Variants in MICAL2 observed in about 807,000 individuals in gnomAD.
The protein encoded by MICAL2 is microtubule associated monooxygenase, calponin and LIM domain containing 2.
Under a neutral mutation model 127.3 loss-of-function variants are expected in MICAL2, and 77 were observed. The observed-to-expected ratio is 0.60, with a 90% confidence interval of 0.50 to 0.73. MICAL2 has a LOEUF of 0.73. MICAL2 is among the 30% of genes least tolerant of loss of function. The pLI, the probability that MICAL2 is intolerant of heterozygous loss-of-function variation, is 0.00. For missense variants in MICAL2, 1,351 were observed against 1,434.4 expected, an observed-to-expected ratio of 0.94 and a Z score of 0.94; for synonymous variants, 570 against 551.1, an observed-to-expected ratio of 1.03 and a Z score of -0.48.
chr11:12,209,433 G>A (rs1457408476), intron 5 of MICAL2, 64 bp from the exon 6 acceptor site: 1 of 1,282,476 alleles, frequency 7.8e-7, no homozygotes, highest in Non-Finnish European at 1.1e-6. Context: ...CCACCACACG[G>A]GGGGTATAAT....
chr11:12,155,889 G>T (rs1854133616), intron 2 of MICAL2, among the ~76,000 whole-genome samples: 1 of 152,226 alleles, frequency 6.6e-6, no homozygotes, highest in Non-Finnish European at 1.5e-5. Context: ...GAGGCCTGGA[G>T]GGTGGGCACT....
chr11:12,224,555 C>G, intron 12 of MICAL2, 118 bp from the exon 13 acceptor site: 1 of 1,407,794 alleles, frequency 7.1e-7, no homozygotes, highest in Non-Finnish European at 9.7e-7. Flanking sequence ...TGCCCTGGCC[C>G]CTTGCCTTGG....
chr11:12,206,697 C>T (rs1854731235), intron 4 of MICAL2, among the ~76,000 whole-genome samples: 1 of 152,178 alleles, frequency 6.6e-6, no homozygotes, highest in African/African-American at 2.4e-5. Context: ...AAACCTCCAG[C>T]ACGGTGACCT....
intron 29 of MICAL2, among the ~76,000 whole-genome samples, chr11:12,298,175 C>A (rs565129717): frequency 6.6e-6 from 1 of 151,838 alleles, no homozygotes; most frequent in East Asian, 1.9e-4. Flanking sequence ...TTTTTTGTGA[C>A]CCTCAGGAAT....
At chr11:12,350,041 A>G (rs1296204023) in intron 33 of MICAL2, 8 of 812,512 alleles carry the variant, frequency 9.8e-6, no homozygotes, top group Admixed American at 6.9e-5. Context: ...CTCCTTGTGC[A>G]TACAGAATAG....
At chr11:12,191,684 T>C (rs1171871426) in intron 3 of MICAL2, among the ~76,000 whole-genome samples, 3 of 152,120 alleles carry the variant, frequency 2.0e-5, no homozygotes. Flanking sequence ...GGAGGATTGC[T>C]TGAGCCTGGG....
At chr11:12,316,544 GT>G (rs919243690) in intron 29 of MICAL2, among the ~76,000 whole-genome samples, 33 of 151,310 alleles carry the variant, frequency 2.2e-4, no homozygotes, top group African/African-American at 7.3e-4. Context: ...TATTATAATA[GT>G]TTTTTTTGGT....
intron 7 of MICAL2, among the ~76,000 whole-genome samples, chr11:12,214,371 G>A (rs1373174199): frequency 1.3e-5 from 2 of 152,164 alleles, no homozygotes; most frequent in African/African-American, 4.8e-5. Flanking sequence ...CTCCTTTTCT[G>A]TAATTTTCCA....
chr11:12,201,729 G>A (rs779234542), intron 3 of MICAL2, among the ~76,000 whole-genome samples: 5 of 152,190 alleles, frequency 3.3e-5, no homozygotes, highest in Admixed American at 6.5e-5. Context: ...ATTGAGGACC[G>A]AGCGTGGGAC....
At chr11:12,292,268 A>T (rs781525117), downstream of MICAL2, 1 of 1,613,984 alleles carries the variant, frequency 6.2e-7, no homozygotes, top group Non-Finnish European at 8.5e-7. Context: ...TGTTTCTGGG[A>T]ATGCTCCAGA....
At chr11:12,204,504 C>G (rs937292846) in intron 4 of MICAL2, 47 bp downstream of exon 4, 3 of 1,577,930 alleles carry the variant, frequency 1.9e-6, no homozygotes, top group Non-Finnish European at 2.6e-6. Context: ...GGGACTGACC[C>G]TGGGTGGGAC....
At chr11:12,294,083 G>A, downstream of MICAL2, 1 of 1,614,142 alleles carries the variant, frequency 6.2e-7, no homozygotes, top group African/African-American at 1.3e-5. Context: ...TGCTGAGAAT[G>A]GTAGAGGAGG....
exon 2 of MICAL2, chr11:12,281,012 T>A (rs1454239105): frequency 2.5e-6 from 1 of 398,946 alleles, no homozygotes; most frequent in East Asian, 3.6e-5. Context: ...GCGGCCAGGA[T>A]CCCCGCATCT....
At position 12,241,169 on chromosome 11, in the gene MICAL2, C is replaced by T. The variant is rs758534044; in HGVS notation, c.2337+7C>T. On this transcript the variant is annotated splice_region_variant and intron_variant, in intron 18 of 27. Transcript: ENST00000683283. ...ACCTCCTCTGAAAAGGCAGGTAGGG[C>T]TCCTTCCAGTGGATGCTGTTTTGGT... 37 of 1,612,106 alleles carry T rather than the reference C, an allele frequency of 2.3e-5. No individual in the cohort carries two copies. The South Asian group carries it at 3.4e-4, about 15-fold the overall frequency.
intron 33 of MICAL2, among the ~76,000 whole-genome samples, chr11:12,352,979 G>A (rs1044998235): frequency 6.6e-6 from 1 of 152,208 alleles, no homozygotes; most frequent in Non-Finnish European, 1.5e-5. Context: ...AGTGGATTTT[G>A]CAGCAGCAGT....
chr11:12,347,660 A>T (rs1938976394), intron 32 of MICAL2, among the ~76,000 whole-genome samples: 1 of 152,184 alleles, frequency 6.6e-6, no homozygotes, highest in African/African-American at 2.4e-5. Context: ...CAGATAGAAA[A>T]ACCAATACAA....
chr11:12,112,205 G>C (rs1045952965), intron 1 of MICAL2, among the ~76,000 whole-genome samples: 4 of 152,174 alleles, frequency 2.6e-5, no homozygotes, highest in Admixed American at 1.3e-4. Flanking sequence ...GCTGTGTGCA[G>C]GACCATGGCC....
chr11:12,286,454 AAT>A lies in MICAL2; in HGVS notation c.255-630_255-629del, dbSNP rs201238724. 5.1e-3 allele frequency among the ~76,000 whole-genome samples: 779 copies of A among 152,358 alleles called. 8 individuals are homozygous for A. Among genetic ancestry groups the A allele is most frequent in the Non-Finnish European group, 5.2e-3 (352 of 68,036 alleles). The stretch of plus-strand genomic sequence containing the variant: ...GTACGTATGTACACATGCATGTATA[AAT>A]ATGTCTACACATATGCATATACGCA... On this transcript the variant is annotated intron_variant, in intron 2 of 2. Transcript: ENST00000529028.
intron 29 of MICAL2, among the ~76,000 whole-genome samples, chr11:12,310,592 G>T (rs569283609): frequency 6.6e-6 from 1 of 152,198 alleles, no homozygotes; most frequent in Admixed American, 6.5e-5. Context: ...AATATAATTT[G>T]AAATCAAGGA....
Sources: gnomAD v4.1 joint callset for allele counts (sites outside exome capture counted in the v4.1 genomes callset) on GRCh38, gnomAD v4.1.1 for gene constraint, MANE v1.5 for transcripts, NCBI Gene and HGNC (gene_info 2026-07-23, HGNC 2026-07-21) for gene names.